Variants in EFNA5 observed in about 807,000 individuals in gnomAD.
EFNA5 encodes ephrin A5.
A neutral mutation model predicts 22.9 loss-of-function variants in EFNA5; 5 were observed. The ratio of observed to expected loss-of-function variants is 0.22; its 90% confidence interval spans 0.11 to 0.46. The LOEUF (loss-of-function observed/expected upper bound fraction) is 0.46. Ranked by LOEUF, EFNA5 falls within the 20% of genes least tolerant of loss-of-function variation. The pLI is 0.99. For synonymous variants in EFNA5, 113 were observed against 112.2 expected, an observed-to-expected ratio of 1.01 and a Z score of -0.04; for missense variants, 237 against 293.3, an observed-to-expected ratio of 0.81 and a Z score of 1.40.
At chr5:107,536,175 C>A (rs2112455909) in intron 1 of EFNA5, among the ~76,000 whole-genome samples, 1 of 152,322 alleles carries the variant, frequency 6.6e-6, no homozygotes, top group South Asian at 2.1e-4. Context: ...TTCTTTTCAA[C>A]ATTCTCACTG....
chr5:107,487,478 T>C lies in EFNA5; in HGVS notation c.126-59969A>G, dbSNP rs116105593. Among the ~76,000 whole-genome samples, 326 of 152,232 alleles carry C rather than the reference T, an allele frequency of 2.1e-3. 1 individual carries two copies. The highest frequency in any genetic ancestry group is 7.5e-3 in the African/African-American group (312 of 41,544). On this transcript the variant is annotated intron_variant, in intron 1 of 4. Coordinates refer to ENST00000333274, the MANE Select transcript of EFNA5 (RefSeq NM_001962.3). ...AGTTAGTATTTGCAGAAATAATGAATGAATAAAGGAAAGAAGGAATATCTG... is the reference window on the plus strand; with the variant it reads ...AGTTAGTATTTGCAGAAATAATGAACGAATAAAGGAAAGAAGGAATATCTG...
chr5:107,529,733 AT>A (rs1451456126), intron 1 of EFNA5, among the ~76,000 whole-genome samples: 2 of 151,766 alleles, frequency 1.3e-5, no homozygotes, highest in Non-Finnish European at 2.9e-5. Flanking sequence ...GCTTCAATTC[AT>A]TTTTCTCCTC....
At chr5:107,385,791 A>G (rs1027716623) in intron 4 of EFNA5, among the ~76,000 whole-genome samples, 2 of 152,196 alleles carry the variant, frequency 1.3e-5, no homozygotes, top group Non-Finnish European at 2.9e-5. Context: ...TCATGGCTCC[A>G]GATTTCCAGG....
intron 1 of EFNA5, among the ~76,000 whole-genome samples, chr5:107,579,125 C>A (rs780629784): frequency 7.1e-4 from 108 of 151,744 alleles, no homozygotes; most frequent in Non-Finnish European, 1.1e-3. Flanking sequence ...TTCCCAACAA[C>A]CCTGGAAGTT....
chr5:107,464,445 T>C (rs1749922407), intron 1 of EFNA5, among the ~76,000 whole-genome samples: 1 of 152,132 alleles, frequency 6.6e-6, no homozygotes, highest in Non-Finnish European at 1.5e-5. Context: ...TGCTTCAAAA[T>C]CGATTGTTGT....
intron 1 of EFNA5, among the ~76,000 whole-genome samples, chr5:107,604,970 G>T (rs1403188160): frequency 5.3e-5 from 8 of 152,156 alleles, no homozygotes; most frequent in African/African-American, 1.7e-4. Flanking sequence ...CCTATTCATA[G>T]GCACCTGCAC....
intron 1 of EFNA5, among the ~76,000 whole-genome samples, chr5:107,669,736 C>G (rs1043283841): frequency 6.6e-6 from 1 of 152,146 alleles, no homozygotes; most frequent in Admixed American, 6.5e-5. Flanking sequence ...GGGCTCCCAC[C>G]TCCTGGCTCG....
chr5:107,387,536 CATG>C (rs768258736), intron 3 of EFNA5, among the ~76,000 whole-genome samples, 167 bp downstream of exon 3: 3 of 152,032 alleles, frequency 2.0e-5, no homozygotes, highest in Non-Finnish European at 4.4e-5. Context: ...GTAAAAGCAT[CATG>C]AAGAATGAGA....
At chr5:107,385,176 A>C (rs1471782566) in intron 4 of EFNA5, among the ~76,000 whole-genome samples, 1 of 152,174 alleles carries the variant, frequency 6.6e-6, no homozygotes, top group Non-Finnish European at 1.5e-5. Flanking sequence ...TTAAATGCTT[A>C]GTGAAAAAAA....
intron 1 of EFNA5, among the ~76,000 whole-genome samples, chr5:107,563,963 T>C (rs1748606613): frequency 6.6e-6 from 1 of 152,184 alleles, no homozygotes; most frequent in Non-Finnish European, 1.5e-5. Context: ...AGTTTATCAT[T>C]TGAGAACCTC....
At chr5:107,517,906 G>A (rs1214910249) in intron 1 of EFNA5, among the ~76,000 whole-genome samples, 1 of 152,170 alleles carries the variant, frequency 6.6e-6, no homozygotes, top group Admixed American at 6.5e-5. Context: ...GTAGAATTGG[G>A]TTGGGTTGAT....
intron 1 of EFNA5, among the ~76,000 whole-genome samples, chr5:107,488,365 C>A (rs976019958): frequency 3.3e-5 from 5 of 152,102 alleles, no homozygotes; most frequent in Admixed American, 2.6e-4. Flanking sequence ...AGATTATTGT[C>A]TGTTTCACAT....
chr5:107,611,783 G>A (rs2112521356), intron 1 of EFNA5, among the ~76,000 whole-genome samples: 1 of 152,312 alleles, frequency 6.6e-6, no homozygotes, highest in African/African-American at 2.4e-5. Context: ...GGCATTTTTA[G>A]TACTGAAAAG....
At chr5:107,659,378 C>T (rs1010766903) in intron 1 of EFNA5, among the ~76,000 whole-genome samples, 4 of 151,802 alleles carry the variant, frequency 2.6e-5, no homozygotes, top group Non-Finnish European at 5.9e-5. Flanking sequence ...ACAGGGATGG[C>T]GTGGATGACT....
At chr5:107,667,110 T>G (rs1392610608) in intron 1 of EFNA5, among the ~76,000 whole-genome samples, 1 of 152,112 alleles carries the variant, frequency 6.6e-6, no homozygotes, top group Non-Finnish European at 1.5e-5. Flanking sequence ...TTATTTACAC[T>G]TTTAGGTAAA....
At chr5:107,668,898 A>C (rs1751124792) in intron 1 of EFNA5, among the ~76,000 whole-genome samples, 2 of 152,090 alleles carry the variant, frequency 1.3e-5, no homozygotes, top group Admixed American at 1.3e-4. Context: ...GTGGCATGTC[A>C]AAGAAGAAAT....
chr5:107,525,022 A>G (rs1044166511), intron 1 of EFNA5, among the ~76,000 whole-genome samples: 5 of 152,202 alleles, frequency 3.3e-5, no homozygotes, highest in African/African-American at 4.8e-5. Context: ...TTAATCTTAG[A>G]GTAATAGCAA....
At chr5:107,421,866 A>G (rs1376527779) in intron 2 of EFNA5, among the ~76,000 whole-genome samples, 1 of 150,216 alleles carries the variant, frequency 6.7e-6, no homozygotes, top group Admixed American at 6.7e-5. Flanking sequence ...ATCCCAGCTC[A>G]CTGCAACCTC....
intron 1 of EFNA5, among the ~76,000 whole-genome samples, chr5:107,580,353 T>A (rs1174919404): frequency 6.6e-6 from 1 of 152,314 alleles, no homozygotes; most frequent in East Asian, 1.9e-4. Flanking sequence ...GCTATTTATT[T>A]CCTCTCACAA....
Sources: gnomAD v4.1 joint callset for allele counts (sites outside exome capture counted in the v4.1 genomes callset) on GRCh38, gnomAD v4.1.1 for gene constraint, MANE v1.5 for transcripts, NCBI Gene and HGNC (gene_info 2026-07-23, HGNC 2026-07-21) for gene names.